REEP3: variants seen among roughly 807,000 people sequenced by gnomAD.
The protein encoded by REEP3 is receptor accessory protein 3.
Under a neutral mutation model 41.3 loss-of-function variants are expected in REEP3, and 20 were observed. That is an observed-to-expected ratio of 0.48 (90% CI 0.34 to 0.70). The LOEUF is 0.70. Ranked by LOEUF, REEP3 falls within the 30% of genes least tolerant of loss-of-function variation. REEP3 has a pLI of 0.01. For missense variants in REEP3, 271 were observed against 308.8 expected, an observed-to-expected ratio of 0.88 and a Z score of 0.92; for synonymous variants, 104 against 101.8, an observed-to-expected ratio of 1.02 and a Z score of -0.13.
At chr10:63,578,186 A>G (rs890033064) in intron 2 of REEP3, among the ~76,000 whole-genome samples, 5 of 152,104 alleles carry the variant, frequency 3.3e-5, no homozygotes, top group African/African-American at 4.8e-5. Context: ...TGCAACCTCC[A>G]CCTCGCAGGT....
At chr10:63,567,324 C>T (rs34576511) in intron 2 of REEP3, among the ~76,000 whole-genome samples, 53,017 of 151,812 alleles carry the variant, frequency 0.35, 10,048 homozygotes, top group African/African-American at 0.47. Flanking sequence ...AAAATATTTT[C>T]GTCACCCCAA....
intron 1 of REEP3, chr10:63,562,675 C>A (rs1419201319): frequency 6.6e-6 from 3 of 454,950 alleles, no homozygotes; most frequent in Non-Finnish European, 8.8e-6. Flanking sequence ...GATAAGGAAG[C>A]CACCAGGCAT....
intron 2 of REEP3, among the ~76,000 whole-genome samples, chr10:63,579,848 G>C (rs1564483645): frequency 6.6e-6 from 1 of 152,146 alleles, no homozygotes; most frequent in Non-Finnish European, 1.5e-5. Flanking sequence ...TGATGGAATA[G>C]TTTAAAACCA....
intron 1 of REEP3, among the ~76,000 whole-genome samples, chr10:63,557,346 A>G (rs1955698156): frequency 6.6e-6 from 1 of 152,232 alleles, no homozygotes; most frequent in Admixed American, 6.5e-5. Flanking sequence ...AGGAATAAAT[A>G]TAATTAGAAA....
intron 1 of REEP3, among the ~76,000 whole-genome samples, chr10:63,546,925 AC>A (rs1260029263): frequency 6.6e-6 from 1 of 151,430 alleles, no homozygotes; most frequent in African/African-American, 2.4e-5. Context: ...CTTCTTCGTG[AC>A]TTTTTTTTTT....
intron 3 of REEP3, 56 bp from the exon 4 acceptor site, chr10:63,597,968 T>G (rs750748337): frequency 2.6e-6 from 4 of 1,511,102 alleles, no homozygotes; most frequent in Non-Finnish European, 3.6e-6. Context: ...TTTTTGTGAT[T>G]TCTACAGTGG....
intron 1 of REEP3, among the ~76,000 whole-genome samples, chr10:63,566,033 C>T (rs1955795017): frequency 6.6e-6 from 1 of 151,742 alleles, no homozygotes; most frequent in African/African-American, 2.4e-5. Context: ...TACAGGCACA[C>T]CCGCCACGCC....
intron 2 of REEP3, among the ~76,000 whole-genome samples, chr10:63,575,418 T>C (rs1955889982): frequency 6.6e-6 from 1 of 152,234 alleles, no homozygotes; most frequent in African/African-American, 2.4e-5. Context: ...CCTTTTAATC[T>C]GGGAATCCTT....
intron 1 of REEP3, among the ~76,000 whole-genome samples, chr10:63,523,511 C>A (rs1955318579): frequency 6.6e-6 from 1 of 152,168 alleles, no homozygotes; most frequent in South Asian, 2.1e-4. Context: ...GTAGCTCACA[C>A]CTGTAATCCC....
In REEP3 at chr10:63,576,235, TGACTA is replaced by T. The variant is rs577730682; in HGVS notation, c.105+9831_105+9835del. Among the ~76,000 whole-genome samples, 3 of 152,342 alleles carry T rather than the reference TGACTA, an allele frequency of 2.0e-5. No homozygotes were observed. In the South Asian group the frequency reaches 6.2e-4, roughly 32 times the overall value. On this transcript the variant is annotated intron_variant, in intron 2 of 7. Transcript: ENST00000373758. ...ACGTGATCTTCACTGTAGAGTGATCTGACTAGACTATAGAATATTTTCCTGTGGCT... is the reference window on the plus strand; with the variant it reads ...ACGTGATCTTCACTGTAGAGTGATCTGACTATAGAATATTTTCCTGTGGCT...
At position 63,624,753 on chromosome 10, in the gene REEP3, C is replaced by A. The variant is rs1220231811; in HGVS notation, c.*3884C>A. 6.6e-6 allele frequency: 1 copy of A among 151,922 alleles called. No individual in the cohort carries two copies. The highest frequency in any genetic ancestry group is 1.5e-5 in the Non-Finnish European group (1 of 67,948). 9.4% of individuals were successfully genotyped at this position (151,922 alleles called of 1,614,324 possible). A position where few individuals can be genotyped will look rare whatever the true frequency, so the allele number is the denominator to read the frequency against. ...TCCATAGGATTATGAAAAAGAAATA[C>A]TGAATTGTTAAATTTGGATGTTAGA... On this transcript the variant is annotated 3_prime_UTR_variant, in exon 8 of 8. Transcript: ENST00000373758.
chr10:63,570,979 G>C (rs1029285335), intron 2 of REEP3, among the ~76,000 whole-genome samples: 4 of 152,166 alleles, frequency 2.6e-5, no homozygotes, highest in Non-Finnish European at 4.4e-5. Flanking sequence ...GCAGGGCATG[G>C]TGGTGTGTGC....
chr10:63,604,811 C>T (rs546031984), intron 5 of REEP3, among the ~76,000 whole-genome samples: 5 of 152,198 alleles, frequency 3.3e-5, no homozygotes, highest in South Asian at 2.1e-4. Flanking sequence ...AAATTAGCCA[C>T]GAGATTTTGG....
chr10:63,575,840 TCTC>T lies in REEP3; in HGVS notation c.105+9433_105+9435del, dbSNP rs1311115675. On this transcript the variant is annotated intron_variant, in intron 2 of 7. Coordinates refer to ENST00000373758, the MANE Select transcript of REEP3 (RefSeq NM_001001330.3). ...CCTCTGCCTCCCAGGTTCAAGCAAT[TCTC>T]CTGTCTCAGCCTCCTGAGTAGCTGG... Among the ~76,000 whole-genome samples the T allele has an allele frequency of 3.9e-5, 6 of 152,312 alleles. No homozygotes were observed. In the East Asian group the frequency reaches 1.2e-3, roughly 29 times the overall value.
intron 5 of REEP3, among the ~76,000 whole-genome samples, chr10:63,600,301 G>A (rs2133414072): frequency 1.3e-5 from 2 of 152,190 alleles, no homozygotes; most frequent in South Asian, 4.1e-4. Flanking sequence ...TGAATGTAAT[G>A]AACAAGAAGG....
At chr10:63,590,709 A>C (rs1956053879) in intron 2 of REEP3, among the ~76,000 whole-genome samples, 1 of 152,210 alleles carries the variant, frequency 6.6e-6, no homozygotes, top group Non-Finnish European at 1.5e-5. Context: ...GACAAGGGCC[A>C]AAGGGACTTT....
At chr10:63,529,883 A>G (rs1028784071) in intron 1 of REEP3, among the ~76,000 whole-genome samples, 1 of 151,760 alleles carries the variant, frequency 6.6e-6, no homozygotes, top group African/African-American at 2.4e-5. Context: ...GGTTCAAGCA[A>G]TTCTCCTACC....
At chr10:63,539,234 C>A (rs1389024234) in intron 1 of REEP3, among the ~76,000 whole-genome samples, 1 of 151,952 alleles carries the variant, frequency 6.6e-6, no homozygotes, top group African/African-American at 2.4e-5. Flanking sequence ...TAACCAGATT[C>A]TTGTTTAACT....
intron 5 of REEP3, among the ~76,000 whole-genome samples, chr10:63,604,876 G>A (rs1235371568): frequency 1.3e-5 from 2 of 152,124 alleles, no homozygotes; most frequent in African/African-American, 4.8e-5. Flanking sequence ...AAAACGAAGA[G>A]GTGAAACATG....
Sources: gnomAD v4.1 joint callset for allele counts (sites outside exome capture counted in the v4.1 genomes callset) on GRCh38, gnomAD v4.1.1 for gene constraint, MANE v1.5 for transcripts, NCBI Gene and HGNC (gene_info 2026-07-23, HGNC 2026-07-21) for gene names.